Variants in FAAP100 observed in about 807,000 individuals in gnomAD.
The protein encoded by FAAP100 is Fanconi anemia core complex-associated protein 100.
FAAP100 carries 46 observed loss-of-function variants against 65.8 expected under a neutral mutation model. That is an observed-to-expected ratio of 0.70 (90% CI 0.55 to 0.89). The LOEUF (loss-of-function observed/expected upper bound fraction) is 0.89. Among genes scored for constraint, FAAP100 ranks in the 40% least tolerant of loss-of-function variants. The pLI is 0.00. For missense variants in FAAP100, 1,165 were observed against 1,196.7 expected, an observed-to-expected ratio of 0.97 and a Z score of 0.39; for synonymous variants, 663 against 555.1, an observed-to-expected ratio of 1.19 and a Z score of -2.73.
intron 4 of FAAP100, chr17:81,548,078 C>A: frequency 1.5e-6 from 1 of 645,600 alleles, no homozygotes; most frequent in Admixed American, 2.3e-5. Context: ...TCTTTTCTCC[C>A]TTGCAGCCTT....
At chr17:81,545,973 A>G (rs2033285152) in intron 5 of FAAP100, 91 bp from the exon 6 acceptor site, 4 of 1,458,308 alleles carry the variant, frequency 2.7e-6, no homozygotes, top group Non-Finnish European at 3.6e-6. Flanking sequence ...TACCTGCCCC[A>G]AAGTGCCCTT....
intron 2 of FAAP100, 51 bp from the exon 3 acceptor site, chr17:81,551,254 C>A (rs2033484784): frequency 2.8e-6 from 4 of 1,451,100 alleles, no homozygotes; most frequent in Admixed American, 2.5e-5. Context: ...GGGATTCCCA[C>A]GTTCTCTTCA....
At position 81,540,030 on chromosome 17, in the gene FAAP100, G is replaced by A. The variant is rs567003258; in HGVS notation, c.*789C>T. 8 of 398,916 alleles carry A rather than the reference G, an allele frequency of 2.0e-5. No homozygotes were observed. Among genetic ancestry groups the A allele is most frequent in the East Asian group, 1.4e-4 (4 of 28,058 alleles). The allele number at this position is 398,916 out of a possible 1,614,324, so 24.7% of individuals were successfully genotyped here. A position where few individuals can be genotyped will look rare whatever the true frequency, so the allele number is the denominator to read the frequency against. On this transcript the variant is annotated 3_prime_UTR_variant, in exon 9 of 9. Coordinates refer to ENST00000327787, the MANE Select transcript of FAAP100 (RefSeq NM_025161.6). ...AAACACCAGCACCAGGAGGTGGGCC[G>A]TAGCCCAGGCTGAGGGAGGAGGCTG...
At chr17:81,549,030 A>C (rs2143956490) in intron 4 of FAAP100, among the ~76,000 whole-genome samples, 176 bp downstream of exon 4, 1 of 112,692 alleles carries the variant, frequency 8.9e-6, no homozygotes, top group Admixed American at 1.2e-4. Context: ...ACAGCGTGAG[A>C]CTCCGTCTCA....
intron 6 of FAAP100, 78 bp from the exon 7 acceptor site, chr17:81,544,198 C>A (rs1381798692): frequency 1.7e-6 from 2 of 1,203,954 alleles, no homozygotes; most frequent in African/African-American, 3.0e-5. Context: ...ACAGGAGCCT[C>A]CCCAGCTGGC....
Position 81,540,968 on chromosome 17 carries a change from A to T in FAAP100, c.2515-18T>A, listed in dbSNP as rs2143925870. On this transcript the variant is annotated intron_variant, in intron 8 of 8. Coordinates refer to ENST00000327787, the MANE Select transcript of FAAP100 (RefSeq NM_025161.6). ...AGCAGTGTCTGCAGGTGAAGCAGAC[A>T]CAGCTCAGGCCCCCCACCTGGCCCT... is the stretch of plus-strand genomic sequence containing the variant. The T allele has an allele frequency of 6.4e-7, 1 of 1,563,916 alleles. No homozygotes were observed. The highest frequency in any genetic ancestry group is 1.3e-5 in the African/African-American group (1 of 74,278).
At chr17:81,544,567 G>C (rs1377161194) in intron 6 of FAAP100, among the ~76,000 whole-genome samples, 2 of 152,178 alleles carry the variant, frequency 1.3e-5, no homozygotes, top group African/African-American at 4.8e-5. Context: ...ATCGCTGTGG[G>C]CACTGGGAGC....
At chr17:81,548,282 T>G in intron 4 of FAAP100, 1 of 471,936 alleles carries the variant, frequency 2.1e-6, no homozygotes, top group East Asian at 3.3e-5. Context: ...CTGGATCCTG[T>G]GCTGAGAGCA....
intron 5 of FAAP100, chr17:81,546,295 C>A: frequency 5.4e-6 from 1 of 184,796 alleles, no homozygotes; most frequent in Non-Finnish European, 1.1e-5. Context: ...TGCAGCAGAA[C>A]GGTGACATCT....
rs766162023 is a variant in FAAP100 at position 81,550,438 on chromosome 17, A to G, written c.1056T>C (p.Cys352=). 1 of 1,612,654 alleles carries G rather than the reference A, an allele frequency of 6.2e-7. No individual in the cohort carries two copies. Among genetic ancestry groups the G allele is most frequent in the Non-Finnish European group, 8.5e-7 (1 of 1,179,970 alleles). Residue 352 remains cysteine, a synonymous_variant, in exon 3 of 9, where the codon TGT becomes TGC. Coordinates refer to ENST00000327787, the MANE Select transcript of FAAP100 (RefSeq NM_025161.6). ...CLPGPVLCAA[C]GGGGRVYHST... Reference sequence around the variant, plus strand: ...TGTGGTACACGCGGCCACCCCCGCCACAGGCAGCGCAGAGCACAGGGCCTG... The same window carrying G: ...TGTGGTACACGCGGCCACCCCCGCCGCAGGCAGCGCAGAGCACAGGGCCTG...
chr17:81,545,642 G>T, intron 6 of FAAP100, 104 bp downstream of exon 6: 1 of 1,416,404 alleles, frequency 7.1e-7, no homozygotes, highest in South Asian at 1.4e-5. Flanking sequence ...GGAAAAGGCT[G>T]CCAGGCCCCC....
intron 7 of FAAP100, among the ~76,000 whole-genome samples, chr17:81,542,830 G>A (rs1316078232): frequency 2.0e-5 from 3 of 152,242 alleles, no homozygotes; most frequent in Non-Finnish European, 4.4e-5. Context: ...CAAACCCAGG[G>A]GCTGGAGCTC....
chr17:81,551,148 T>C lies in FAAP100; in HGVS notation c.346A>G (p.Ile116Val). ...SEDGDQPSPV[I>V]PVDPDACILP... Reference sequence around the variant, plus strand: ...ATGCAGGCATCGGGGTCCACAGGGATCACGGGGGAAGGCTGGTCACCGTCC... The same window carrying C: ...ATGCAGGCATCGGGGTCCACAGGGACCACGGGGGAAGGCTGGTCACCGTCC... Residue 116 changes from isoleucine (I) to valine (V), a missense_variant, in exon 3 of 9, where the codon ATC (isoleucine) becomes GTC (valine). Ile to Val is a conservative substitution (Grantham distance 29). Coordinates refer to ENST00000327787, the MANE Select transcript of FAAP100 (RefSeq NM_025161.6). 1 of 1,547,254 alleles carries C rather than the reference T, an allele frequency of 6.5e-7. No individual in the cohort carries two copies. Among genetic ancestry groups the C allele is most frequent in the Non-Finnish European group, 8.7e-7 (1 of 1,144,474 alleles).
At position 81,544,045 on chromosome 17, in the gene FAAP100, C is replaced by T. The variant is rs762936698; in HGVS notation, c.2386G>A (p.Asp796Asn). Residue 796 changes from aspartate to asparagine, a missense_variant, in exon 7 of 9, where the codon GAC (aspartate) becomes AAC (asparagine). By Grantham distance (23) the Asp-to-Asn change is conservative. Transcript: ENST00000327787. ...ACGGCATGGTGCGCCCTGCAAATGT[C>T]GGCCAGAGAGGAGCTTTCCACTTGA... The part of the protein sequence containing the change: ...EIQVESSSLA[D>N]ICRAHHAVVG... 1.2e-5 allele frequency: 20 copies of T among 1,612,556 alleles called. No homozygotes were observed. Among genetic ancestry groups the T allele is most frequent in the South Asian group, 1.1e-4 (10 of 91,060 alleles).
rs560688370 is a variant in FAAP100 at position 81,540,335 on chromosome 17, C to A, written c.*484G>T. 1.2e-5 allele frequency: 5 copies of A among 400,762 alleles called. No homozygotes were observed. Among genetic ancestry groups the A allele is most frequent in the African/African-American group, 2.1e-5 (1 of 48,624 alleles). The allele number at this position is 400,762 out of a possible 1,614,324, so 24.8% of individuals were successfully genotyped here. On this transcript the variant is annotated 3_prime_UTR_variant, in exon 9 of 9. Coordinates refer to ENST00000327787, the MANE Select transcript of FAAP100 (RefSeq NM_025161.6). ...GGTGTGAACAGTGTGACAAGGGTAC[C>A]GTGGGGCACCTGGTAGTGCCACCCA...
chr17:81,550,426 G>A lies in FAAP100; in HGVS notation c.1068C>T (p.Gly356=). Reference sequence around the variant, plus strand: ...CAGAAGGGGTGCTGTGGTACACGCGGCCACCCCCGCCACAGGCAGCGCAGA... The same window carrying A: ...CAGAAGGGGTGCTGTGGTACACGCGACCACCCCCGCCACAGGCAGCGCAGA... ...PVLCAACGGG[G]RVYHSTPSDL... is the part of the protein sequence containing the mutation. The change falls in exon 3 of 9, where the codon GGC becomes GGT. Residue 356 remains glycine (G), a synonymous_variant. Coordinates refer to ENST00000327787, the MANE Select transcript of FAAP100 (RefSeq NM_025161.6). 1 of 1,610,698 alleles carries A rather than the reference G, an allele frequency of 6.2e-7. No individual in the cohort carries two copies. Among genetic ancestry groups the A allele is most frequent in the Non-Finnish European group, 8.5e-7 (1 of 1,178,976 alleles).
rs116012183 is a variant in FAAP100 at position 81,549,132 on chromosome 17, C to T, written c.1403+74G>A. On this transcript the variant is annotated intron_variant, in intron 4 of 8. Transcript: ENST00000327787. ...CACCCGAGGACACTCACACCCAGGA[C>T]GACCCCACACAGGGACGCTACCTCC... The T allele has an allele frequency of 2.1e-4, 331 of 1,559,834 alleles. 3 individuals are homozygous for T. The South Asian group carries it at 2.6e-3, about 12-fold the overall frequency.
Position 81,550,376 on chromosome 17 carries a change from C to G in FAAP100, c.1118G>C (p.Arg373Pro). The change falls in exon 3 of 9, where the codon CGG becomes CCG. Residue 373 changes from arginine (R) to proline (P), a missense_variant. Transcript: ENST00000327787. The part of the protein sequence containing the change: ...PSDLCVVDLS[R>P]GSTPLGPEQP... Reference sequence around the variant, plus strand: ...CTCAGGGCCCAGCGGGGTGCTTCCCCGAGACAGATCCACCACACAGAGGTC... The same window carrying G: ...CTCAGGGCCCAGCGGGGTGCTTCCCGGAGACAGATCCACCACACAGAGGTC... The G allele has an allele frequency of 1.9e-6, 3 of 1,612,814 alleles. No individual in the cohort carries two copies. Among genetic ancestry groups the G allele is most frequent in the Non-Finnish European group, 2.5e-6 (3 of 1,180,008 alleles).
chr17:81,544,173 G>C (rs2033214851), intron 6 of FAAP100, 53 bp from the exon 7 acceptor site: 3 of 1,459,426 alleles, frequency 2.1e-6, no homozygotes, highest in Admixed American at 3.4e-5. Context: ...CACCTGCCCG[G>C]GGGGCTCAGG....
Sources: gnomAD v4.1 joint callset for allele counts (sites outside exome capture counted in the v4.1 genomes callset) on GRCh38, gnomAD v4.1.1 for gene constraint, MANE v1.5 for transcripts, NCBI Gene and HGNC (gene_info 2026-07-23, HGNC 2026-07-21) for gene names.